The following RIT2 variants were observed in gnomAD, a reference collection of about 807,000 sequenced individuals.
The protein encoded by RIT2 is Ras like without CAAX 2, also known as GTP-binding protein Rit2.
RIT2 carries 24 observed loss-of-function variants against 23.7 expected under a neutral mutation model. That is an observed-to-expected ratio of 1.01 (90% CI 0.73 to 1.43). The LOEUF is 1.43. Ranked by LOEUF, RIT2 falls within the 40% of genes most tolerant of loss-of-function variation. The probability of loss-of-function intolerance (pLI) is 0.00; values close to 1 mark genes in which losing one functional copy is unlikely to be tolerated. For synonymous variants in RIT2, 107 were observed against 91.1 expected (o/e 1.17, Z -0.99); for missense variants, 236 against 266.9 (o/e 0.88, Z 0.81).
chr18:42,768,777 T>C (rs1409586352), intron 4 of RIT2, among the ~76,000 whole-genome samples: 3 of 152,138 alleles, frequency 2.0e-5, no homozygotes, highest in Non-Finnish European at 2.9e-5. Flanking sequence ...ATTTTACAAT[T>C]TGAAGTAGGT....
At chr18:43,109,469 T>A (rs1218739178) in intron 1 of RIT2, among the ~76,000 whole-genome samples, 1 of 152,206 alleles carries the variant, frequency 6.6e-6, no homozygotes, top group Non-Finnish European at 1.5e-5. Context: ...GATCCCTTTG[T>A]GCCCCTGTAT....
chr18:43,112,784 AT>A (rs1386485280), intron 1 of RIT2, among the ~76,000 whole-genome samples: 1 of 152,078 alleles, frequency 6.6e-6, no homozygotes, highest in Non-Finnish European at 1.5e-5. Context: ...TACATAAAAA[AT>A]CTCCAAGATT....
chr18:42,867,601 C>A (rs1301311148), intron 4 of RIT2, among the ~76,000 whole-genome samples: 2 of 148,078 alleles, frequency 1.4e-5, no homozygotes, highest in African/African-American at 5.0e-5. Context: ...GCCTAGGCAA[C>A]ATAACGAGGC....
At chr18:43,006,209 T>C (rs1911224779) in intron 2 of RIT2, among the ~76,000 whole-genome samples, 1 of 151,656 alleles carries the variant, frequency 6.6e-6, no homozygotes, top group Non-Finnish European at 1.5e-5. Context: ...TCTTAAATGG[T>C]GCCTCTGTCT....
intron 4 of RIT2, among the ~76,000 whole-genome samples, chr18:42,833,429 T>C (rs1228330734): frequency 1.3e-5 from 2 of 152,216 alleles, no homozygotes; most frequent in Non-Finnish European, 2.9e-5. Context: ...CTGTTGTGAA[T>C]AGTCTTCCAA....
intron 4 of RIT2, among the ~76,000 whole-genome samples, chr18:42,827,167 C>G (rs1906319529): frequency 6.6e-6 from 1 of 152,052 alleles, no homozygotes; most frequent in Non-Finnish European, 1.5e-5. Flanking sequence ...CAAGAAAGAA[C>G]AGAATACAGG....
At chr18:42,933,954 G>A (rs1422297064) in intron 3 of RIT2, among the ~76,000 whole-genome samples, 1 of 148,466 alleles carries the variant, frequency 6.7e-6, no homozygotes, top group Admixed American at 6.8e-5. Flanking sequence ...GGAGTCGAAG[G>A]TTGCAGTGAG....
In RIT2 at chr18:42,900,090, A is replaced by G. The variant is rs571025800; in HGVS notation, c.426+23482T>C. 3.3e-5 allele frequency among the ~76,000 whole-genome samples: 5 copies of G among 152,246 alleles called. No individual in the cohort carries two copies. In the East Asian group the frequency reaches 9.6e-4, roughly 29 times the overall value. ...CCAGTAATAATATTTAATGTCAATTAGAACTTAGAGTACGCATTATATGTC... is the reference window on the plus strand; with the variant it reads ...CCAGTAATAATATTTAATGTCAATTGGAACTTAGAGTACGCATTATATGTC... On this transcript the variant is annotated intron_variant, in intron 4 of 4. Transcript: ENST00000326695.
At chr18:42,977,571 A>G (rs564114562) in intron 2 of RIT2, among the ~76,000 whole-genome samples, 1 of 152,074 alleles carries the variant, frequency 6.6e-6, no homozygotes, top group South Asian at 2.1e-4. Context: ...AACTCTCACA[A>G]ATCAGATTAT....
chr18:42,770,529 G>C (rs1356339797), intron 4 of RIT2, among the ~76,000 whole-genome samples: 2 of 152,168 alleles, frequency 1.3e-5, no homozygotes, highest in East Asian at 3.9e-4. Context: ...TTCTGAACTA[G>C]ACAGTGACAA....
At chr18:43,021,946 C>T (rs116904729) in intron 2 of RIT2, among the ~76,000 whole-genome samples, 2,840 of 152,162 alleles carry the variant, frequency 0.019, 40 homozygotes, top group South Asian at 0.031. Context: ...CCAGCAATTT[C>T]GCCATTGGGA....
At chr18:42,976,847 T>C (rs1266635720) in intron 2 of RIT2, among the ~76,000 whole-genome samples, 1 of 151,914 alleles carries the variant, frequency 6.6e-6, no homozygotes, top group Non-Finnish European at 1.5e-5. Context: ...GTAATTCAGG[T>C]GAGAAATAAT....
intron 4 of RIT2, chr18:42,923,334 A>G (rs1487133087): frequency 6.2e-6 from 3 of 484,882 alleles, no homozygotes; most frequent in Non-Finnish European, 3.7e-6. Flanking sequence ...TTCAGTATAC[A>G]ATCCCAGATC....
chr18:43,053,444 A>G (rs1348599204), intron 1 of RIT2, among the ~76,000 whole-genome samples: 1 of 152,018 alleles, frequency 6.6e-6, no homozygotes, highest in East Asian at 1.9e-4. Flanking sequence ...AAGCAGCAAC[A>G]TATTTCTTAT....
chr18:43,062,776 T>C (rs1912677903), intron 1 of RIT2, among the ~76,000 whole-genome samples: 1 of 152,152 alleles, frequency 6.6e-6, no homozygotes, highest in Admixed American at 6.5e-5. Context: ...GCAAGTGATA[T>C]AATATTAACT....
intron 1 of RIT2, among the ~76,000 whole-genome samples, chr18:43,089,014 C>A (rs1025938603): frequency 6.6e-6 from 1 of 152,018 alleles, no homozygotes; most frequent in African/African-American, 2.4e-5. Flanking sequence ...TGTGTGTACA[C>A]ATGTATGTTT....
chr18:43,087,478 C>A (rs535578199), intron 1 of RIT2, among the ~76,000 whole-genome samples: 1 of 152,188 alleles, frequency 6.6e-6, no homozygotes, highest in Admixed American at 6.5e-5. Context: ...GAGATTCAAA[C>A]AAGTTCTTGA....
At chr18:42,886,122 C>T (rs1050932231) in intron 4 of RIT2, among the ~76,000 whole-genome samples, 9 of 152,132 alleles carry the variant, frequency 5.9e-5, no homozygotes, top group South Asian at 2.1e-4. Context: ...TGATTTACTG[C>T]TGTCTATGAT....
At chr18:42,819,719 A>G (rs1906095930) in intron 4 of RIT2, among the ~76,000 whole-genome samples, 1 of 152,084 alleles carries the variant, frequency 6.6e-6, no homozygotes, top group Non-Finnish European at 1.5e-5. Flanking sequence ...TCATTGTCCC[A>G]TTTTATTCAC....
Sources: gnomAD v4.1 joint callset for allele counts (sites outside exome capture counted in the v4.1 genomes callset) on GRCh38, gnomAD v4.1.1 for gene constraint, MANE v1.5 for transcripts, NCBI Gene and HGNC (gene_info 2026-07-23, HGNC 2026-07-21) for gene names.